EDNRB: variants seen among roughly 807,000 people sequenced by gnomAD.
The protein encoded by EDNRB is Hirschsprung disease 2.
A neutral mutation model predicts 46.4 loss-of-function variants in EDNRB; 18 were observed. The observed-to-expected ratio is 0.39, with a 90% confidence interval of 0.27 to 0.57. EDNRB has a LOEUF of 0.57. Ranked by LOEUF, EDNRB falls within the 20% of genes least tolerant of loss-of-function variation. The pLI is 0.61. For missense variants in EDNRB, 434 were observed against 537.5 expected (o/e 0.81, Z 1.90); for synonymous variants, 213 against 204.9 (o/e 1.04, Z -0.34).
chr13:77,961,615 G>A (rs1881415446), intron 1 of EDNRB, among the ~76,000 whole-genome samples: 1 of 152,078 alleles, frequency 6.6e-6, no homozygotes, highest in Non-Finnish European at 1.5e-5. Context: ...AGAATCTCTG[G>A]GACATATTTA....
chr13:77,936,289 G>C (rs1202598589), intron 1 of EDNRB, among the ~76,000 whole-genome samples: 1 of 151,998 alleles, frequency 6.6e-6, no homozygotes, highest in African/African-American at 2.4e-5. Flanking sequence ...TTTAATTAAA[G>C]TGTCTCGGCC....
chr13:77,938,510 A>G (rs1382543340), intron 1 of EDNRB, among the ~76,000 whole-genome samples: 1 of 152,116 alleles, frequency 6.6e-6, no homozygotes, highest in African/African-American at 2.4e-5. Context: ...TACCCCCCAG[A>G]AAAGTGGTAC....
rs1878593151 is a variant in EDNRB at position 77,895,793 on chromosome 13, G to A, written c.*2407C>T. ...ATAAAGTTAGCTACAGCATACCCAT[G>A]TTTTGCTATAAACTGTATTCCTTTG... On this transcript the variant is annotated 3_prime_UTR_variant, in exon 7 of 7. Coordinates refer to ENST00000646607, the MANE Select transcript of EDNRB (RefSeq NM_001122659.3). 1 of 151,934 alleles carries A rather than the reference G, an allele frequency of 6.6e-6. No individual in the cohort carries two copies. Among genetic ancestry groups the A allele is most frequent in the South Asian group, 2.1e-4 (1 of 4,836 alleles). The allele number at this position is 151,934 out of a possible 1,614,324, so 9.4% of individuals were successfully genotyped here.
At chr13:77,956,954 T>C (rs552084773) in intron 1 of EDNRB, among the ~76,000 whole-genome samples, 1 of 152,344 alleles carries the variant, frequency 6.6e-6, no homozygotes, top group South Asian at 2.1e-4. Flanking sequence ...AAAGTCCCTT[T>C]AGCCATGTAA....
intron 1 of EDNRB, among the ~76,000 whole-genome samples, chr13:77,912,027 A>G (rs1879594780): frequency 6.6e-6 from 1 of 152,118 alleles, no homozygotes; most frequent in Non-Finnish European, 1.5e-5. Flanking sequence ...CAACTATAGC[A>G]TATTAGCTAC....
At chr13:77,946,162 A>G (rs1880906800) in intron 1 of EDNRB, among the ~76,000 whole-genome samples, 1 of 152,348 alleles carries the variant, frequency 6.6e-6, no homozygotes, top group East Asian at 1.9e-4. Flanking sequence ...AGAAGTGTAG[A>G]TAAATTGCAC....
At chr13:77,960,292 G>A (rs1881365924) in intron 1 of EDNRB, among the ~76,000 whole-genome samples, 1 of 152,162 alleles carries the variant, frequency 6.6e-6, no homozygotes, top group Non-Finnish European at 1.5e-5. Flanking sequence ...AGAGAGAAAG[G>A]TCGGGTTACC....
chr13:77,912,964 T>C (rs1879644780), intron 1 of EDNRB, among the ~76,000 whole-genome samples: 2 of 152,134 alleles, frequency 1.3e-5, no homozygotes, highest in African/African-American at 4.8e-5. Context: ...AGTTTACTGA[T>C]TGGAATATGT....
At chr13:77,938,432 G>A (rs1880632964) in intron 1 of EDNRB, among the ~76,000 whole-genome samples, 2 of 151,878 alleles carry the variant, frequency 1.3e-5, no homozygotes, top group South Asian at 2.1e-4. Context: ...AAGGGGTTGG[G>A]GGGTTCTTGT....
intron 1 of EDNRB, among the ~76,000 whole-genome samples, chr13:77,950,487 A>G (rs1881061335): frequency 6.6e-6 from 1 of 152,208 alleles, no homozygotes; most frequent in Admixed American, 6.5e-5. Context: ...TTCAGAGCTG[A>G]CAGAAGGAGG....
At chr13:77,900,740 C>T (rs1476896967) in intron 4 of EDNRB, 86 bp from the exon 5 acceptor site, 2 of 1,577,112 alleles carry the variant, frequency 1.3e-6, no homozygotes, top group Non-Finnish European at 1.7e-6. Context: ...TTAATATTGT[C>T]TACAAAAAGT....
At chr13:77,903,655 C>T (rs1184256216) in intron 1 of EDNRB, 48 bp from the exon 2 acceptor site, 8 of 1,499,008 alleles carry the variant, frequency 5.3e-6, no homozygotes, top group Non-Finnish European at 7.4e-6. Flanking sequence ...CATAAGATGC[C>T]CTCTGAATTG....
intron 1 of EDNRB, among the ~76,000 whole-genome samples, chr13:77,937,877 A>T (rs1819260988): frequency 6.6e-6 from 1 of 152,186 alleles, no homozygotes; most frequent in Admixed American, 6.5e-5. Flanking sequence ...GATGAGCTGC[A>T]TCGGGAACAG....
At chr13:77,899,628 G>A (rs766638050) in intron 6 of EDNRB, 1 of 476,982 alleles carries the variant, frequency 2.1e-6, no homozygotes, top group Non-Finnish European at 3.8e-6. Flanking sequence ...AATTCCATGA[G>A]TGTAACTGAT....
At chr13:77,907,659 AT>A (rs980393187) in intron 1 of EDNRB, among the ~76,000 whole-genome samples, 2 of 152,040 alleles carry the variant, frequency 1.3e-5, no homozygotes, top group African/African-American at 4.8e-5. Context: ...GTCTTAAATT[AT>A]TTCCAAATAT....
upstream of EDNRB, chr13:77,919,230 C>T (rs1286873523): frequency 6.8e-6 from 5 of 734,488 alleles, no homozygotes; most frequent in South Asian, 4.0e-5. Flanking sequence ...TCCCTCCAAA[C>T]GGCTTCAAAC....
intron 6 of EDNRB, among the ~76,000 whole-genome samples, chr13:77,898,761 A>T (rs185326055): frequency 1.6e-4 from 24 of 151,998 alleles, no homozygotes; most frequent in African/African-American, 5.8e-4. Context: ...CTGTATGTAT[A>T]CTCCATAACC....
chr13:77,960,488 G>T (rs989569529), intron 1 of EDNRB, among the ~76,000 whole-genome samples: 15 of 152,130 alleles, frequency 9.9e-5, no homozygotes, highest in East Asian at 1.9e-4. Flanking sequence ...AAGCAAATTC[G>T]GAGAGATTTT....
At chr13:77,965,861 A>G (rs760979787) in intron 1 of EDNRB, among the ~76,000 whole-genome samples, 27 of 151,906 alleles carry the variant, frequency 1.8e-4, no homozygotes, top group Non-Finnish European at 3.2e-4. Context: ...TATAATTTTT[A>G]TTTTATTTAC....
Sources: gnomAD v4.1 joint callset for allele counts (sites outside exome capture counted in the v4.1 genomes callset) on GRCh38, gnomAD v4.1.1 for gene constraint, MANE v1.5 for transcripts, NCBI Gene and HGNC (gene_info 2026-07-23, HGNC 2026-07-21) for gene names.